KSR1: variants seen among roughly 807,000 people sequenced by gnomAD.
The protein encoded by KSR1 is kinase suppressor of ras 1.
A neutral mutation model predicts 92.9 loss-of-function variants in KSR1; 35 were observed. That is an observed-to-expected ratio of 0.38 (90% CI 0.29 to 0.50). The LOEUF (loss-of-function observed/expected upper bound fraction) is 0.50. KSR1 is among the 20% of genes least tolerant of loss of function. The pLI is 0.94. For synonymous variants in KSR1, 467 were observed against 472.6 expected (o/e 0.99, Z 0.15); for missense variants, 972 against 1,158.5 (o/e 0.84, Z 2.34).
chr17:27,563,325 G>T (rs1220526163), intron 2 of KSR1, among the ~76,000 whole-genome samples: 1 of 151,914 alleles, frequency 6.6e-6, no homozygotes, highest in African/African-American at 2.4e-5. Flanking sequence ...GTGTAGTGGT[G>T]CAATCATGGC....
chr17:27,603,379 G>T (rs868339692), intron 11 of KSR1, among the ~76,000 whole-genome samples: 1 of 152,228 alleles, frequency 6.6e-6, no homozygotes, highest in African/African-American at 2.4e-5. Context: ...TCCTGCCACC[G>T]GCCTTGCTGG....
chr17:27,616,372 A>G (rs981790610), intron 18 of KSR1, among the ~76,000 whole-genome samples: 19 of 152,308 alleles, frequency 1.2e-4, no homozygotes, highest in Middle Eastern at 6.8e-3. Context: ...TTTATCTTCC[A>G]GCACTTTTAA....
rs752971606 is a variant in KSR1, at chr17:27,582,815, G to A, written c.690G>A (p.Val230=). 1 of 1,613,534 alleles carries A rather than the reference G, an allele frequency of 6.2e-7. No individual in the cohort carries two copies. Among genetic ancestry groups the A allele is most frequent in the Admixed American group, 1.7e-5 (1 of 59,974 alleles). Reference sequence around the variant, plus strand: ...CCCAGGGCCCACGCTCCATCTCCGTGTCAGCTCTGCCCGCCTCAGACTCCC... The same window carrying A: ...CCCAGGGCCCACGCTCCATCTCCGTATCAGCTCTGCCCGCCTCAGACTCCC... The part of the protein sequence containing the change: ...NSAQGPRSIS[V]SALPASDSPT... Residue 230 remains valine, a synonymous_variant, in exon 4 of 21, where the codon GTG becomes GTA. Transcript: ENST00000644974.
chr17:27,525,680 CCA>C (rs2070230537), intron 1 of KSR1, among the ~76,000 whole-genome samples: 1 of 152,198 alleles, frequency 6.6e-6, no homozygotes. Flanking sequence ...CCAAAGGTTT[CCA>C]GAGGTTCTCT....
intron 1 of KSR1, among the ~76,000 whole-genome samples, chr17:27,477,573 A>G (rs983487802): frequency 1.3e-5 from 2 of 152,162 alleles, no homozygotes; most frequent in African/African-American, 4.8e-5. Flanking sequence ...GGTACAAGTT[A>G]AAAATCTGTC....
chr17:27,611,311 G>T, intron 17 of KSR1, 183 bp from the exon 18 acceptor site: 3 of 662,232 alleles, frequency 4.5e-6, no homozygotes, highest in Non-Finnish European at 5.0e-6. Flanking sequence ...AGAGCACAGG[G>T]CCCAGGTCCT....
intron 6 of KSR1, 83 bp from the exon 7 acceptor site, chr17:27,590,728 C>A: frequency 7.5e-7 from 1 of 1,329,250 alleles, no homozygotes; most frequent in Non-Finnish European, 1.1e-6. Flanking sequence ...CCCAGTTGCC[C>A]TGGAGCTCCA....
At chr17:27,497,502 G>C (rs1200463538) in intron 1 of KSR1, among the ~76,000 whole-genome samples, 1 of 152,202 alleles carries the variant, frequency 6.6e-6, no homozygotes, top group Non-Finnish European at 1.5e-5. Flanking sequence ...GTCTGAATGT[G>C]ACCTCCCTTT....
At chr17:27,496,681 A>G (rs2068998285) in intron 1 of KSR1, among the ~76,000 whole-genome samples, 1 of 152,226 alleles carries the variant, frequency 6.6e-6, no homozygotes. Context: ...GGGGGATCTC[A>G]GGTTAATGAT....
At chr17:27,609,962 C>T (rs2073869130) in intron 16 of KSR1, 105 bp from the exon 17 acceptor site, 1 of 1,434,672 alleles carries the variant, frequency 7.0e-7, no homozygotes, top group South Asian at 1.3e-5. Context: ...GTTTTCTAAG[C>T]TGTGTGTGGG....
chr17:27,501,067 G>A (rs1357744069), intron 1 of KSR1, among the ~76,000 whole-genome samples: 1 of 152,172 alleles, frequency 6.6e-6, no homozygotes, highest in African/African-American at 2.4e-5. Flanking sequence ...AAAGGCTGTG[G>A]GAGTCTGTAA....
At chr17:27,520,326 C>T (rs1238363066) in intron 1 of KSR1, among the ~76,000 whole-genome samples, 1 of 152,288 alleles carries the variant, frequency 6.6e-6, no homozygotes, top group African/African-American at 2.4e-5. Flanking sequence ...ATTCCTAGAT[C>T]CAAGTGGTTT....
At chr17:27,616,842 A>G (rs1449506799) in intron 18 of KSR1, among the ~76,000 whole-genome samples, 1 of 152,192 alleles carries the variant, frequency 6.6e-6, no homozygotes, top group Non-Finnish European at 1.5e-5. Context: ...TGCTGCCCGT[A>G]TATCGAGTCT....
At chr17:27,539,760 A>T (rs778655916) in intron 1 of KSR1, among the ~76,000 whole-genome samples, 4 of 152,156 alleles carry the variant, frequency 2.6e-5, no homozygotes, top group African/African-American at 4.8e-5. Flanking sequence ...AACACATGAG[A>T]TATTGGGGGG....
At chr17:27,620,536 A>G (rs2074195019) in intron 19 of KSR1, among the ~76,000 whole-genome samples, 1 of 152,186 alleles carries the variant, frequency 6.6e-6, no homozygotes, top group African/African-American at 2.4e-5. Flanking sequence ...TACCATGCCA[A>G]GTGCTGTGAT....
At chr17:27,524,291 G>A (rs954855914) in intron 1 of KSR1, among the ~76,000 whole-genome samples, 2 of 152,032 alleles carry the variant, frequency 1.3e-5, no homozygotes, top group African/African-American at 2.4e-5. Context: ...GTGAGAACAT[G>A]GACTCTGGGG....
At chr17:27,601,912 C>T in intron 11 of KSR1, 1 of 1,609,534 alleles carries the variant, frequency 6.2e-7, no homozygotes. Context: ...CTGGCCATTG[C>T]TGGAAATGCC....
intron 14 of KSR1, among the ~76,000 whole-genome samples, chr17:27,606,501 C>T (rs1179939540): frequency 3.3e-5 from 5 of 152,166 alleles, no homozygotes; most frequent in South Asian, 2.1e-4. Context: ...CTCCTGCACC[C>T]GATTGTGGGT....
At chr17:27,574,993 A>C (rs928889698) in intron 2 of KSR1, among the ~76,000 whole-genome samples, 3 of 152,248 alleles carry the variant, frequency 2.0e-5, no homozygotes, top group Admixed American at 6.5e-5. Context: ...GCTGTAGGCC[A>C]CTTGAGACCA....
Sources: allele counts gnomAD v4.1 joint callset (sites outside exome capture counted in the v4.1 genomes callset), GRCh38; gene constraint gnomAD v4.1.1; transcripts MANE v1.5; gene names NCBI Gene and HGNC (gene_info 2026-07-23, HGNC 2026-07-21).